The following CADPS2 variants were observed in gnomAD, a reference collection of about 807,000 sequenced individuals.
The protein encoded by CADPS2 is calcium-dependent secretion activator 2.
Under a neutral mutation model 172.5 loss-of-function variants are expected in CADPS2, and 93 were observed. The ratio of observed to expected loss-of-function variants is 0.54; its 90% CI spans 0.46 to 0.64. The LOEUF is 0.64. Ranked by LOEUF, CADPS2 falls within the 30% of genes least tolerant of loss-of-function variation. The pLI, the probability that CADPS2 is intolerant of heterozygous loss-of-function variation, is 0.00. For missense variants in CADPS2, 1,420 were observed against 1,565.9 expected (o/e 0.91, Z 1.57); for synonymous variants, 546 against 555.2 (o/e 0.98, Z 0.23).
At chr7:122,715,918 C>CT (rs556872053) in intron 2 of CADPS2, among the ~76,000 whole-genome samples, 3 of 152,090 alleles carry the variant, frequency 2.0e-5, no homozygotes, top group South Asian at 4.2e-4. Flanking sequence ...AATATGAAAA[C>CT]TCTAAAGGTA....
chr7:122,623,934 T>C (rs577403415), intron 4 of CADPS2, among the ~76,000 whole-genome samples: 2 of 152,316 alleles, frequency 1.3e-5, no homozygotes, highest in South Asian at 4.1e-4. Flanking sequence ...TCTATTTGTA[T>C]TTAGCTTTAA....
At position 122,774,847 on chromosome 7, in the gene CADPS2, A is replaced by G. The variant is rs1015529682; in HGVS notation, c.340-37779T>C. 1.3e-5 allele frequency among the ~76,000 whole-genome samples: 2 copies of G among 152,274 alleles called. 1 individual carries two copies. The highest frequency in any genetic ancestry group is 4.1e-4 in the South Asian group (2 of 4,824). ...ACTGTTTCATGAGCACCTAATTTACATTACCTTTTTAATAAGATGGTATGT... is the reference window on the plus strand; with the variant it reads ...ACTGTTTCATGAGCACCTAATTTACGTTACCTTTTTAATAAGATGGTATGT... On this transcript the variant is annotated intron_variant, in intron 1 of 29. Coordinates refer to ENST00000449022, the MANE Select transcript of CADPS2 (RefSeq NM_017954.11).
intron 15 of CADPS2, among the ~76,000 whole-genome samples, chr7:122,445,755 C>T (rs1402013809): frequency 6.6e-6 from 1 of 152,126 alleles, no homozygotes; most frequent in Non-Finnish European, 1.5e-5. Context: ...GTTGAGGCTG[C>T]AGTGAGCAGT....
chr7:122,409,634 G>T (rs1421593706), intron 19 of CADPS2: 1 of 470,588 alleles, frequency 2.1e-6, no homozygotes. Context: ...CCTAATGATG[G>T]CTAAATAACG....
At chr7:122,507,042 G>A (rs942316235) in intron 9 of CADPS2, among the ~76,000 whole-genome samples, 4 of 151,938 alleles carry the variant, frequency 2.6e-5, no homozygotes, top group African/African-American at 9.7e-5. Context: ...TTTTCATGGA[G>A]TATACATTCT....
At chr7:122,517,329 C>G (rs1184538519) in intron 8 of CADPS2, among the ~76,000 whole-genome samples, 2 of 151,980 alleles carry the variant, frequency 1.3e-5, no homozygotes, top group African/African-American at 4.8e-5. Context: ...GTTTTCACTT[C>G]TTTGGATATC....
chr7:122,816,908 C>A (rs1801596446), intron 1 of CADPS2, among the ~76,000 whole-genome samples: 1 of 151,708 alleles, frequency 6.6e-6, no homozygotes, highest in Admixed American at 6.6e-5. Context: ...TAAATGATGG[C>A]ATTACCTTGT....
In CADPS2 at chr7:122,527,617, A is replaced by AGTGTGT. The variant is rs59653845; in HGVS notation, c.1476-14308_1476-14303dup. Among the ~76,000 whole-genome samples the AGTGTGT allele has an allele frequency of 9.6e-3, 802 of 83,798 alleles. 13 individuals carry two copies. Among genetic ancestry groups the AGTGTGT allele is most frequent in the African/African-American group, 0.022 (528 of 24,354 alleles). The allele number at this position is 83,798 out of a possible 152,430, so 55.0% of individuals were successfully genotyped here. A position where few individuals can be genotyped will look rare whatever the true frequency, so the allele number is the denominator to read the frequency against. The stretch of plus-strand genomic sequence containing the variant: ...GAGAGAGAGAGAGAGAGAGAGAGAG[A>AGTGTGT]GTGTGTGTGTGTGTGTGTGTGTGTG... On this transcript the variant is annotated intron_variant, in intron 8 of 29. Transcript: ENST00000449022.
intron 1 of CADPS2, among the ~76,000 whole-genome samples, chr7:122,741,768 A>G (rs1187320766): frequency 6.6e-6 from 1 of 152,184 alleles, no homozygotes; most frequent in Non-Finnish European, 1.5e-5. Flanking sequence ...ATTTGGAACA[A>G]GTATAAAAAT....
intron 2 of CADPS2, among the ~76,000 whole-genome samples, chr7:122,705,236 T>C (rs2086803742): frequency 6.6e-6 from 1 of 151,404 alleles, no homozygotes; most frequent in Non-Finnish European, 1.5e-5. Context: ...CTAAGAGTCT[T>C]CCTGGAACCG....
At position 122,491,398 on chromosome 7, in the gene CADPS2, A is replaced by G. The variant is rs1446007402; in HGVS notation, c.1565T>C (p.Met522Thr). 1 of 1,609,574 alleles carries G rather than the reference A, an allele frequency of 6.2e-7. No homozygotes were observed. The highest frequency in any genetic ancestry group is 8.5e-7 in the Non-Finnish European group (1 of 1,177,442). ...AGACTTCTTTTCTCTATAACTGCAC[A>G]TAGCAAAGGTATATTGGCTAACCTG... ...LVQVSQYTFA[M>T]CSYREKKSEP... is the part of the protein sequence containing the mutation. The change falls in exon 10 of 30, where the codon ATG (methionine) becomes ACG (threonine). Residue 522 changes from methionine to threonine, a missense_variant. Met to Thr is a moderately conservative substitution (Grantham distance 81). Transcript: ENST00000449022.
intron 8 of CADPS2, among the ~76,000 whole-genome samples, chr7:122,540,474 G>A (rs2062800066): frequency 6.6e-6 from 1 of 151,828 alleles, no homozygotes. Context: ...GTCTGTTGTG[G>A]GTATGCTCCT....
intron 6 of CADPS2, among the ~76,000 whole-genome samples, chr7:122,594,956 C>T (rs1479422997): frequency 6.6e-6 from 1 of 151,546 alleles, no homozygotes; most frequent in African/African-American, 2.4e-5. Context: ...TGCACAAATC[C>T]CCCAGATGTC....
At chr7:122,698,861 T>TGGC in intron 2 of CADPS2, 2 of 1,612,038 alleles carry the variant, frequency 1.2e-6, no homozygotes, top group Non-Finnish European at 1.7e-6. Flanking sequence ...ACACTGAACT[T>TGGC]CATAAGCCAG....
intron 2 of CADPS2, among the ~76,000 whole-genome samples, chr7:122,695,155 G>A (rs1353787549): frequency 6.6e-6 from 1 of 152,192 alleles, no homozygotes; most frequent in African/African-American, 2.4e-5. Context: ...CCTATAACAA[G>A]AGGTACTGTA....
intron 6 of CADPS2, among the ~76,000 whole-genome samples, chr7:122,593,476 T>C (rs1164796666): frequency 6.6e-6 from 1 of 151,986 alleles, no homozygotes; most frequent in African/African-American, 2.4e-5. Context: ...CGAGCAACTT[T>C]ACCACAACCT....
chr7:122,759,671 A>G (rs1282914475), intron 1 of CADPS2, among the ~76,000 whole-genome samples: 1 of 152,180 alleles, frequency 6.6e-6, no homozygotes, highest in African/African-American at 2.4e-5. Context: ...TTAATGGATT[A>G]CTGAGTAGTA....
intron 6 of CADPS2, among the ~76,000 whole-genome samples, chr7:122,595,607 G>A (rs1367143696): frequency 6.6e-6 from 1 of 152,054 alleles, no homozygotes; most frequent in Non-Finnish European, 1.5e-5. Flanking sequence ...GACTTTACAG[G>A]GGGAATGCCA....
At chr7:122,621,745 G>A in intron 4 of CADPS2, 28 bp from the exon 5 acceptor site, 1 of 1,245,222 alleles carries the variant, frequency 8.0e-7, no homozygotes, top group Non-Finnish European at 1.1e-6. Flanking sequence ...AAATAATAGT[G>A]TTACATAAGT....
Sources: gnomAD v4.1 joint callset for allele counts (sites outside exome capture counted in the v4.1 genomes callset) on GRCh38, gnomAD v4.1.1 for gene constraint, MANE v1.5 for transcripts, NCBI Gene and HGNC (gene_info 2026-07-23, HGNC 2026-07-21) for gene names.